The following ZC3H13 variants were observed in gnomAD, a reference collection of about 807,000 sequenced individuals.
ZC3H13 encodes the protein zinc finger CCCH-type containing 13, also known as zinc finger CCCH domain-containing protein 13.
A neutral mutation model predicts 204.1 loss-of-function variants in ZC3H13; 64 were observed. The ratio of observed to expected loss-of-function variants is 0.31; its 90% confidence interval spans 0.26 to 0.39. The LOEUF (loss-of-function observed/expected upper bound fraction) is 0.39, where lower values mean the gene tolerates loss of function less well. Among genes scored for constraint, ZC3H13 ranks in the 10% least tolerant of loss-of-function variants. The probability of loss-of-function intolerance (pLI) is 1.00; values close to 1 mark genes in which losing one functional copy is unlikely to be tolerated. For synonymous variants in ZC3H13, 667 were observed against 693.7 expected, an observed-to-expected ratio of 0.96 and a Z score of 0.60; for missense variants, 1,833 against 2,082.7, an observed-to-expected ratio of 0.88 and a Z score of 2.33.
Position 45,968,038 on chromosome 13 carries a change from A to G in ZC3H13, c.3797-10T>C. On this transcript the variant is annotated splice_polypyrimidine_tract_variant and intron_variant, in intron 14 of 18. Transcript: ENST00000679008. ...CTTGAATCCTGGCGATCTAAAATAA[A>G]TATACCATATATAAAGAGTTATTAG... The G allele has an allele frequency of 6.4e-7, 1 of 1,558,504 alleles. No individual in the cohort carries two copies. The highest frequency in any genetic ancestry group is 8.6e-7 in the Non-Finnish European group (1 of 1,158,478).
chr13:45,995,832 G>GT (rs2040294106), intron 8 of ZC3H13, among the ~76,000 whole-genome samples: 1 of 152,122 alleles, frequency 6.6e-6, no homozygotes, highest in Non-Finnish European at 1.5e-5. Flanking sequence ...CTTGTCCCAG[G>GT]TATTTCTTTA....
chr13:46,034,219 C>A (rs1460442482), intron 4 of ZC3H13, among the ~76,000 whole-genome samples: 1 of 152,052 alleles, frequency 6.6e-6, no homozygotes, highest in Non-Finnish European at 1.5e-5. Context: ...ATGGAACAAC[C>A]ACTTCAGAAA....
At chr13:46,028,178 A>G (rs909205910) in intron 4 of ZC3H13, among the ~76,000 whole-genome samples, 1 of 152,230 alleles carries the variant, frequency 6.6e-6, no homozygotes, top group Non-Finnish European at 1.5e-5. Flanking sequence ...ATGAGTAGGT[A>G]TATTAATTTC....
chr13:46,029,939 T>C (rs1032242115), intron 4 of ZC3H13, among the ~76,000 whole-genome samples: 2 of 152,198 alleles, frequency 1.3e-5, no homozygotes, highest in Non-Finnish European at 2.9e-5. Context: ...CTATATATAT[T>C]TGTATCATAA....
rs575529502 is a variant in ZC3H13, at chr13:45,954,861, G to C, written c.*2266C>G. 6.6e-6 allele frequency: 1 copy of C among 152,208 alleles called. No homozygotes were observed. The highest frequency in any genetic ancestry group is 1.5e-5 in the Non-Finnish European group (1 of 68,032). The allele number at this position is 152,208 out of a possible 1,614,324, so 9.4% of individuals were successfully genotyped here. ...GCGAAGTGACAGGTCAGATTTTTCA[G>C]CATATCAAGTTACTACTTAGGTATG... On this transcript the variant is annotated 3_prime_UTR_variant, in exon 19 of 19. Coordinates refer to ENST00000679008, the MANE Select transcript of ZC3H13 (RefSeq NM_001330564.2).
rs1237387792 is a variant in ZC3H13 at position 45,967,935 on chromosome 13, T to C, written c.3890A>G (p.Asp1297Gly). ...HSRSGSFDSR[D>G]RLQERDRYEH... Reference sequence around the variant, plus strand: ...ATATCGATCTCGTTCTTGAAGCCTGTCTCTGCTATCAAATGACCCAGATCT... The same window carrying C: ...ATATCGATCTCGTTCTTGAAGCCTGCCTCTGCTATCAAATGACCCAGATCT... The change falls in exon 15 of 19, where the codon GAC becomes GGC. Residue 1297 changes from aspartate (D) to glycine (G), a missense_variant. Asp to Gly is a moderately conservative substitution (Grantham distance 94, BLOSUM62 -1). Around this residue, in one of 5 missense-constraint regions of ZC3H13, gnomAD observed 1,574 missense variants for 1,757.2 expected, o/e 0.90. Coordinates refer to ENST00000679008, the MANE Select transcript of ZC3H13 (RefSeq NM_001330564.2). 1 of 1,613,996 alleles carries C rather than the reference T, an allele frequency of 6.2e-7. No homozygotes were observed. Among genetic ancestry groups the C allele is most frequent in the Non-Finnish European group, 8.5e-7 (1 of 1,179,980 alleles).
At chr13:45,963,691 C>A in intron 17 of ZC3H13, 151 bp downstream of exon 17, 1 of 1,471,566 alleles carries the variant, frequency 6.8e-7, no homozygotes. Context: ...GAAACTTTGA[C>A]CATGAGGGTT....
At chr13:45,976,074 C>CGG in intron 11 of ZC3H13, 1 of 784,340 alleles carries the variant, frequency 1.3e-6, no homozygotes, top group Non-Finnish European at 1.5e-6. Flanking sequence ...TCCCCGTCAA[C>CGG]CCCCTTCCCC....
intron 7 of ZC3H13, among the ~76,000 whole-genome samples, chr13:46,007,085 G>A (rs181704516): frequency 2.0e-5 from 3 of 152,150 alleles, no homozygotes; most frequent in African/African-American, 7.2e-5. Flanking sequence ...AAAATTTCAT[G>A]ATTAAACAAC....
intron 17 of ZC3H13, chr13:45,962,754 T>A: frequency 1.0e-6 from 1 of 985,402 alleles, no homozygotes; most frequent in Non-Finnish European, 1.2e-6. Context: ...TAACTAAACT[T>A]TTATGTCCAG....
chr13:45,970,757 A>G (rs930135816), intron 12 of ZC3H13, among the ~76,000 whole-genome samples: 7 of 152,216 alleles, frequency 4.6e-5, no homozygotes, highest in Non-Finnish European at 1.0e-4. Context: ...GGTAACATGC[A>G]GCACAGAAAC....
At chr13:45,975,183 A>C in intron 12 of ZC3H13, 100 bp downstream of exon 12, 1 of 1,485,708 alleles carries the variant, frequency 6.7e-7, no homozygotes, top group African/African-American at 1.4e-5. Flanking sequence ...AGAGAAAAAA[A>C]ATTAACAGGA....
At chr13:45,989,297 A>G (rs2039795817) in intron 8 of ZC3H13, among the ~76,000 whole-genome samples, 200 bp from the exon 9 acceptor site, 2 of 152,254 alleles carry the variant, frequency 1.3e-5, no homozygotes, top group Non-Finnish European at 2.9e-5. Context: ...TAGAAGCAAC[A>G]GTTCAAGAAG....
Position 46,010,241 on chromosome 13 carries a change from C to CATTAA in ZC3H13, c.746+102_746+106dup, listed in dbSNP as rs2138642163. ...TTTCTTTTTAGAACAAAAAAGCTTA[C>CATTAA]ATTAAATATAAAATGTACTAAAAGT... On this transcript the variant is annotated intron_variant, in intron 7 of 18. Transcript: ENST00000679008. The CATTAA allele has an allele frequency of 1.8e-6, 2 of 1,135,822 alleles. 1 individual carries two copies. Among genetic ancestry groups the CATTAA allele is most frequent in the African/African-American group, 3.1e-5 (2 of 63,730 alleles). 70.4% of individuals were successfully genotyped at this position (1,135,822 alleles called of 1,614,324 possible).
At chr13:46,002,049 T>G (rs2040787411) in intron 8 of ZC3H13, among the ~76,000 whole-genome samples, 1 of 150,912 alleles carries the variant, frequency 6.6e-6, no homozygotes, top group African/African-American at 2.4e-5. Context: ...CTCTTAGAAC[T>G]CAACAGAAAA....
intron 3 of ZC3H13, among the ~76,000 whole-genome samples, chr13:46,043,685 C>T (rs1008524574): frequency 1.3e-5 from 2 of 151,710 alleles, no homozygotes; most frequent in Non-Finnish European, 3.0e-5. Context: ...TGCACAAATA[C>T]GAAAGAAGTT....
intron 9 of ZC3H13, 21 bp from the exon 10 acceptor site, chr13:45,985,782 TTGAC>T: frequency 6.4e-7 from 1 of 1,557,532 alleles, no homozygotes; most frequent in Non-Finnish European, 8.7e-7. Context: ...ATTTTGGAAA[TTGAC>T]TGTAATTGCT....
At chr13:46,040,813 A>C (rs1032185023) in intron 4 of ZC3H13, among the ~76,000 whole-genome samples, 2 of 152,178 alleles carry the variant, frequency 1.3e-5, no homozygotes, top group Non-Finnish European at 2.9e-5. Flanking sequence ...ATATACAAAT[A>C]GCCAATAAGT....
At position 45,965,319 on chromosome 13, in the gene ZC3H13, C is replaced by A. The variant is rs1566149000; in HGVS notation, c.4435G>T (p.Glu1479Ter). 1 of 1,613,678 alleles carries A rather than the reference C, an allele frequency of 6.2e-7. No individual in the cohort carries two copies. Reference protein sequence around the residue: ...ELDEILAGDAEKREDQQDEEK... With the variant: ...ELDEILAGDA The stretch of plus-strand genomic sequence containing the variant: ...TCATCCTGTTGGTCCTCCCTCTTTT[C>A]TGCATCACCTGCCAGAATTTCATCT... Residue 1479 changes from glutamate to a stop codon, truncating the protein, a stop_gained, in exon 16 of 19, where the codon GAA (glutamate) becomes TAA (stop). Transcript: ENST00000679008. LOFTEE classifies it high-confidence loss of function.
Sources: allele counts gnomAD v4.1 joint callset (sites outside exome capture counted in the v4.1 genomes callset), GRCh38; gene constraint gnomAD v4.1.1; regional missense constraint gnomAD v4.1.1; transcripts MANE v1.5; gene names NCBI Gene and HGNC (gene_info 2026-07-23, HGNC 2026-07-21).